The following UBE3B variants were observed in gnomAD, a reference collection of about 807,000 sequenced individuals.
UBE3B encodes ubiquitin-protein ligase E3B.
A neutral mutation model predicts 132.3 loss-of-function variants in UBE3B; 80 were observed. That is an observed-to-expected ratio of 0.60 (90% CI 0.50 to 0.73). The LOEUF is 0.73. UBE3B is among the 30% of genes least tolerant of loss of function. The pLI, the probability that UBE3B is intolerant of heterozygous loss-of-function variation, is 0.00. For missense variants in UBE3B, 1,196 were observed against 1,362.5 expected (o/e 0.88, Z 1.92); for synonymous variants, 487 against 520.4 (o/e 0.94, Z 0.87).
chr12:109,536,613 C>T lies in UBE3B; in HGVS notation c.*1831C>T, dbSNP rs544842693. On this transcript the variant is annotated 3_prime_UTR_variant, in exon 28 of 28. Transcript: ENST00000342494. ...CTGACACCTTGATGGCTCTTGATGG[C>T]TCTAAAAAGTTGTAGGATTTTTTGT... 1 of 152,328 alleles carries T rather than the reference C, an allele frequency of 6.6e-6. No individual in the cohort carries two copies. The highest frequency in any genetic ancestry group is 1.9e-4 in the East Asian group (1 of 5,194). The allele number at this position is 152,328 out of a possible 1,614,324, so 9.4% of individuals were successfully genotyped here. A position where few individuals can be genotyped will look rare whatever the true frequency, so the allele number is the denominator to read the frequency against.
intron 19 of UBE3B, among the ~76,000 whole-genome samples, chr12:109,518,979 C>T (rs1478268138): frequency 1.3e-5 from 2 of 152,164 alleles, no homozygotes; most frequent in Non-Finnish European, 2.9e-5. Flanking sequence ...TCATGCTCTC[C>T]TGGGCATTGT....
intron 14 of UBE3B, 100 bp from the exon 15 acceptor site, chr12:109,507,464 A>G (rs1684413056): frequency 7.7e-7 from 1 of 1,295,110 alleles, no homozygotes; most frequent in Non-Finnish European, 1.1e-6. Flanking sequence ...TTAAATGTTC[A>G]TGGATAGGTT....
Position 109,503,186 on chromosome 12 carries a change from C to G in UBE3B, c.1446C>G (p.Leu482=). The change falls in exon 14 of 28, where the codon CTC becomes CTG. Residue 482 remains leucine, a synonymous_variant. Coordinates refer to ENST00000342494, the MANE Select transcript of UBE3B (RefSeq NM_130466.4). The stretch of plus-strand genomic sequence containing the variant: ...TCACACAGATTCGGCTGCAGATACT[C>G]ACAGGTTCGCAGTCCCCAGGGCATC... ...TTLTQIRLQI[L]TGLTYLDDLL... 6.2e-7 allele frequency: 1 copy of G among 1,614,098 alleles called. No individual in the cohort carries two copies. Among genetic ancestry groups the G allele is most frequent in the Admixed American group, 1.7e-5 (1 of 60,028 alleles).
intron 15 of UBE3B, chr12:109,509,303 G>A (rs1416460311): frequency 1.0e-5 from 2 of 192,246 alleles, no homozygotes; most frequent in Non-Finnish European, 2.1e-5. Context: ...TGTGCTGAAA[G>A]TGCAGGTTTG....
intron 18 of UBE3B, among the ~76,000 whole-genome samples, chr12:109,515,201 C>T (rs893287306): frequency 2.6e-5 from 4 of 151,988 alleles, no homozygotes; most frequent in African/African-American, 9.7e-5. Flanking sequence ...GCGTGAGCCA[C>T]CGCGACTGGC....
In UBE3B at chr12:109,482,971, G is replaced by T. The variant is rs185751085; in HGVS notation, c.-21-560G>T. ...CTTTTGCTTTGTTAATGTTGAAATG[G>T]CCCTTTCTTTTTTGTGTGCTGTCAC... On this transcript the variant is annotated intron_variant, in intron 2 of 27. Transcript: ENST00000342494. Among the ~76,000 whole-genome samples the T allele has an allele frequency of 6.9e-4, 105 of 152,274 alleles. 1 individual carries two copies. The East Asian group carries it at 0.019, about 28-fold the overall frequency.
At chr12:109,523,865 G>A in intron 21 of UBE3B, 113 bp from the exon 22 acceptor site, 2 of 1,470,146 alleles carry the variant, frequency 1.4e-6, no homozygotes, top group South Asian at 1.3e-5. Context: ...CTTAGGAGGG[G>A]CCTGGAAATG....
At position 109,535,243 on chromosome 12, in the gene UBE3B, G is replaced by C. The variant is rs1883328338; in HGVS notation, c.*461G>C. The C allele has an allele frequency of 6.5e-6, 1 of 152,706 alleles. No individual in the cohort carries two copies. Among genetic ancestry groups the C allele is most frequent in the Non-Finnish European group, 1.5e-5 (1 of 68,444 alleles). 9.5% of individuals were successfully genotyped at this position (152,706 alleles called of 1,614,324 possible). ...TTCTGAAATCTCTTACTCAGGTAAG[G>C]CCTCGCCAAGCCTCTATGCACCCCA... On this transcript the variant is annotated 3_prime_UTR_variant, in exon 28 of 28. Transcript: ENST00000342494.
At chr12:109,489,852 C>T in intron 7 of UBE3B, 67 bp from the exon 8 acceptor site, 1 of 1,429,560 alleles carries the variant, frequency 7.0e-7, no homozygotes, top group Non-Finnish European at 9.9e-7. Flanking sequence ...ACACAATTTC[C>T]TGTCCCACAT....
downstream of UBE3B, among the ~76,000 whole-genome samples, chr12:109,541,064 CT>C (rs1883600453): frequency 6.6e-6 from 1 of 152,260 alleles, no homozygotes; most frequent in Non-Finnish European, 1.5e-5. Context: ...GCTATGCAGC[CT>C]TGCGCTCCTG....
At chr12:109,489,281 G>A (rs957076084) in intron 7 of UBE3B, among the ~76,000 whole-genome samples, 1 of 152,238 alleles carries the variant, frequency 6.6e-6, no homozygotes, top group African/African-American at 2.4e-5. Context: ...TGACAATAAT[G>A]TGGTAAGTGC....
In UBE3B at chr12:109,534,520, C is replaced by T. The variant is rs1883271943; in HGVS notation, c.3016-71C>T. On this transcript the variant is annotated intron_variant, in intron 27 of 27. Transcript: ENST00000342494. The surrounding 1 kb of genome is among the most constrained non-coding windows in gnomAD (Gnocchi z 5.2). ...TGGCCAGATCCCCTCCCTGGGCTCCCTGGCCTTGGCATCAGCCTGGGCTCC... is the reference window on the plus strand; with the variant it reads ...TGGCCAGATCCCCTCCCTGGGCTCCTTGGCCTTGGCATCAGCCTGGGCTCC... 40 of 1,534,668 alleles carry T rather than the reference C, an allele frequency of 2.6e-5. No individual in the cohort carries two copies. In the South Asian group the frequency reaches 5.0e-4, roughly 19 times the overall value.
chr12:109,509,444 C>G, intron 15 of UBE3B, 152 bp from the exon 16 acceptor site: 1 of 548,250 alleles, frequency 1.8e-6, no homozygotes, highest in South Asian at 2.4e-5. Flanking sequence ...CTGATGATAT[C>G]ATATCATTTT....
Position 109,498,324 on chromosome 12 carries a change from T to C in UBE3B, c.911T>C (p.Leu304Ser). ...CGATGCCGTGATGTATGTGAAAGTTTAGAAGGATGCCATACGCTTTGTCTA... is the reference window on the plus strand; with the variant it reads ...CGATGCCGTGATGTATGTGAAAGTTCAGAAGGATGCCATACGCTTTGTCTA... The part of the protein sequence containing the change: ...QDRCRDVCES[L>S]EGCHTLCLMG... Residue 304 changes from leucine (L) to serine (S), a missense_variant, in exon 11 of 28, where the codon TTA becomes TCA. Physicochemically the swap from Leu to Ser is moderately radical, Grantham distance 145. Transcript: ENST00000342494. 3.7e-6 allele frequency: 6 copies of C among 1,614,170 alleles called. No individual in the cohort carries two copies. The highest frequency in any genetic ancestry group is 4.2e-6 in the Non-Finnish European group (5 of 1,180,000).
chr12:109,533,772 C>G (rs1190094933), intron 27 of UBE3B: 1 of 849,490 alleles, frequency 1.2e-6, no homozygotes, highest in Non-Finnish European at 1.9e-6. Flanking sequence ...CTCTCGGCAG[C>G]CCCTTTCTCT....
At chr12:109,497,471 A>G (rs1592908281) in intron 9 of UBE3B, among the ~76,000 whole-genome samples, 1 of 151,900 alleles carries the variant, frequency 6.6e-6, no homozygotes, top group Non-Finnish European at 1.5e-5. Flanking sequence ...TTATACCAGC[A>G]CTCCAAAACC....
chr12:109,528,572 G>C, intron 24 of UBE3B: 1 of 897,456 alleles, frequency 1.1e-6, no homozygotes, highest in Non-Finnish European at 1.3e-6. Flanking sequence ...AGTGATGCAA[G>C]GCTGGGTGCG....
intron 14 of UBE3B, 24 bp downstream of exon 14, chr12:109,503,214 C>G (rs746694145): frequency 2.5e-6 from 4 of 1,604,894 alleles, no homozygotes; most frequent in Admixed American, 1.7e-5. Flanking sequence ...AGGGCATCTT[C>G]TTCACCTCTC....
intron 14 of UBE3B, among the ~76,000 whole-genome samples, chr12:109,507,293 G>T (rs1246904016): frequency 6.6e-6 from 1 of 152,198 alleles, no homozygotes; most frequent in African/African-American, 2.4e-5. Context: ...ATAAGATGGG[G>T]ATAACACTGG....
Sources: allele counts gnomAD v4.1 joint callset (sites outside exome capture counted in the v4.1 genomes callset), GRCh38; gene constraint gnomAD v4.1.1; non-coding constraint Gnocchi (gnomAD v3.1); transcripts MANE v1.5; gene names NCBI Gene and HGNC (gene_info 2026-07-23, HGNC 2026-07-21).